Variants in FAT3 observed in about 807,000 individuals in gnomAD.
FAT3 encodes the protein FAT atypical cadherin 3, also known as protocadherin Fat 3.
FAT3 carries 95 observed loss-of-function variants against 310.2 expected under a neutral mutation model. The observed-to-expected ratio is 0.31, with a 90% CI of 0.26 to 0.36. The LOEUF is 0.36. FAT3 is among the 10% of genes least tolerant of loss of function. The pLI, the probability that FAT3 is intolerant of heterozygous loss-of-function variation, is 1.00. For missense variants in FAT3, 5,408 were observed against 5,715.6 expected (o/e 0.95, Z 1.74); for synonymous variants, 2,314 against 2,192.9 (o/e 1.06, Z -1.54).
At chr11:92,289,532 C>CACACACAG (rs1470916724) in intron 1 of FAT3, among the ~76,000 whole-genome samples, 2 of 147,348 alleles carry the variant, frequency 1.4e-5, no homozygotes, top group Non-Finnish European at 1.5e-5. Context: ...CACACACACA[C>CACACACAG]ACACATATAT....
At chr11:92,567,307 A>G (rs1320503142) in intron 3 of FAT3, among the ~76,000 whole-genome samples, 1 of 146,414 alleles carries the variant, frequency 6.8e-6, no homozygotes, top group Admixed American at 6.9e-5. Flanking sequence ...ACTGGCCATC[A>G]GAGAAATGCA....
At chr11:92,638,005 G>T (rs909843151) in intron 3 of FAT3, among the ~76,000 whole-genome samples, 1 of 152,140 alleles carries the variant, frequency 6.6e-6, no homozygotes, top group African/African-American at 2.4e-5. Context: ...CTTGAGGTTT[G>T]GGAGGTCCAT....
chr11:92,786,857 C>T (rs557056748), intron 7 of FAT3, among the ~76,000 whole-genome samples: 2 of 152,222 alleles, frequency 1.3e-5, no homozygotes, highest in African/African-American at 4.8e-5. Context: ...TAAATGAACA[C>T]CAATAGAAAA....
chr11:92,528,952 A>G (rs1237745237), intron 3 of FAT3, among the ~76,000 whole-genome samples: 1 of 152,314 alleles, frequency 6.6e-6, no homozygotes, highest in South Asian at 2.1e-4. Flanking sequence ...GGACCCCACT[A>G]TCTTGAGGAA....
chr11:92,262,850 T>C (rs191115200), intron 1 of FAT3, among the ~76,000 whole-genome samples: 4 of 152,230 alleles, frequency 2.6e-5, no homozygotes, highest in Admixed American at 2.0e-4. Flanking sequence ...CAAATGGCTC[T>C]GAAGGATGCT....
At chr11:92,376,520 T>A (rs566884008) in intron 2 of FAT3, among the ~76,000 whole-genome samples, 1 of 152,160 alleles carries the variant, frequency 6.6e-6, no homozygotes, top group African/African-American at 2.4e-5. Flanking sequence ...CAGCTTAAGA[T>A]AGATGACCTG....
intron 1 of FAT3, among the ~76,000 whole-genome samples, chr11:92,349,220 G>C (rs1368754959): frequency 6.6e-6 from 1 of 152,086 alleles, no homozygotes; most frequent in Non-Finnish European, 1.5e-5. Context: ...GAGCATTCTG[G>C]GAGTGATCCC....
In FAT3 at chr11:92,834,961, C is replaced by T. The variant is rs1270194522; in HGVS notation, c.9963C>T (p.Leu3321=). 4 of 1,613,216 alleles carry T rather than the reference C, an allele frequency of 2.5e-6. No individual in the cohort carries two copies. The highest frequency in any genetic ancestry group is 3.4e-6 in the Non-Finnish European group (4 of 1,179,666). ...VEAKDGGTPA[L]SAVATVNINL... ...CCAAAGATGGGGGCACCCCAGCTCT[C>T]AGCGCTGTGGCCACTGTCAACATCA... Residue 3321 remains leucine (L), a synonymous_variant, in exon 15 of 28, where the codon CTC becomes CTT. Transcript: ENST00000525166.
chr11:92,883,205 A>C lies in FAT3; in HGVS notation c.12749A>C (p.Asp4250Ala). ...CAGAGTGACTCCAGGAGCAACCTGG[A>C]TAAGATCGTGGACGGGCTGGGAGGC... The part of the protein sequence containing the change: ...CFQSDSRSNL[D>A]KIVDGLGGEH... The change falls in exon 24 of 28, where the codon GAT (aspartate) becomes GCT (alanine). Residue 4250 changes from aspartate (D) to alanine (A), a missense_variant. By Grantham distance (126) the Asp-to-Ala change is moderately radical (BLOSUM62 -2). Transcript: ENST00000525166. The surrounding 1 kb of genome is among the most constrained non-coding windows in gnomAD (Gnocchi z 4.2). 6.2e-7 allele frequency: 1 copy of C among 1,613,304 alleles called. No individual in the cohort carries two copies. Among genetic ancestry groups the C allele is most frequent in the Non-Finnish European group, 8.5e-7 (1 of 1,179,828 alleles).
At chr11:92,478,948 C>CTTTCTTTCTTTTCTTTTCTTTTCT (rs1555058204) in intron 2 of FAT3, among the ~76,000 whole-genome samples, 1 of 114,520 alleles carries the variant, frequency 8.7e-6, no homozygotes, top group African/African-American at 3.7e-5. Context: ...TTCTTTCTTT[C>CTTTCTTTCTTTTCTTTTCTTTTCT]TTTCTTTTCT....
chr11:92,684,136 G>A (rs1049669551), intron 3 of FAT3, among the ~76,000 whole-genome samples: 1 of 152,168 alleles, frequency 6.6e-6, no homozygotes, highest in African/African-American at 2.4e-5. Context: ...TTTTCAGAGT[G>A]CGAACAAAGA....
At chr11:92,301,899 C>T (rs890615765) in intron 1 of FAT3, among the ~76,000 whole-genome samples, 4 of 151,970 alleles carry the variant, frequency 2.6e-5, no homozygotes, top group African/African-American at 9.7e-5. Context: ...CTTTGAGGGG[C>T]CCTGAATCAT....
chr11:92,353,886 C>T lies in FAT3; in HGVS notation c.1774C>T (p.Pro592Ser). The T allele has an allele frequency of 6.2e-7, 1 of 1,613,316 alleles. No individual in the cohort carries two copies. The highest frequency in any genetic ancestry group is 8.5e-7 in the Non-Finnish European group (1 of 1,179,508). ...ACQGVISYDFPVGGHITAVSA... is the reference protein window; with the variant it reads ...ACQGVISYDFSVGGHITAVSA... ...CCAGGGAGTTATTTCATATGACTTTCCAGTTGGTGGTCACATCACAGCAGT... is the reference window on the plus strand; with the variant it reads ...CCAGGGAGTTATTTCATATGACTTTTCAGTTGGTGGTCACATCACAGCAGT... The change falls in exon 2 of 28, where the codon CCA (proline) becomes TCA (serine). Residue 592 changes from proline to serine, a missense_variant. Around this residue, in one of 5 missense-constraint regions of FAT3, gnomAD observed 4,588 missense variants for 4,809.8 expected, o/e 0.95. Coordinates refer to ENST00000525166, the MANE Select transcript of FAT3 (RefSeq NM_001367949.2).
At chr11:92,429,246 A>G (rs187208256) in intron 2 of FAT3, among the ~76,000 whole-genome samples, 2 of 152,100 alleles carry the variant, frequency 1.3e-5, no homozygotes, top group Admixed American at 1.3e-4. Flanking sequence ...ATCTTCATCC[A>G]TCCCTTTATT....
Position 92,892,762 on chromosome 11 carries a change from CCT to C in FAT3, c.*1652_*1653del, listed in dbSNP as rs1187867468. The C allele has an allele frequency of 6.6e-6, 1 of 152,162 alleles. No individual in the cohort carries two copies. Among genetic ancestry groups the C allele is most frequent in the African/African-American group, 2.4e-5 (1 of 41,432 alleles). 9.4% of individuals were successfully genotyped at this position (152,162 alleles called of 1,614,324 possible). On this transcript the variant is annotated 3_prime_UTR_variant, in exon 28 of 28. Transcript: ENST00000525166. The stretch of plus-strand genomic sequence containing the variant: ...TTTTGTTATAATTTTCCAGAACTTA[CCT>C]CTGTTTTAAAAGTGTGTAATGTTTG...
chr11:92,416,257 A>G (rs1374310696), intron 2 of FAT3, among the ~76,000 whole-genome samples: 1 of 149,716 alleles, frequency 6.7e-6, no homozygotes, highest in Non-Finnish European at 1.5e-5. Flanking sequence ...GGTGGCACGC[A>G]CCTGTAACCC....
At chr11:92,225,482 G>A (rs1446242806) in intron 1 of FAT3, among the ~76,000 whole-genome samples, 1 of 152,128 alleles carries the variant, frequency 6.6e-6, no homozygotes, top group Non-Finnish European at 1.5e-5. Context: ...GGTTGCGAGG[G>A]GGGTTGCGGA....
At position 92,801,882 on chromosome 11, in the gene FAT3, A is replaced by G. The variant is rs1461083386; in HGVS notation, c.8869A>G (p.Asn2957Asp). 1 of 1,613,892 alleles carries G rather than the reference A, an allele frequency of 6.2e-7. No homozygotes were observed. Among genetic ancestry groups the G allele is most frequent in the South Asian group, 1.1e-5 (1 of 91,080 alleles). The change falls in exon 10 of 28, where the codon AAT becomes GAT. Residue 2957 changes from asparagine to aspartate, a missense_variant. Asn to Asp is a conservative substitution (Grantham distance 23). This residue lies in a region of FAT3 where 4,588 missense variants were observed against 4,809.8 expected (regional missense o/e 0.95). Transcript: ENST00000525166. ...STWDRDTSDV[N>D]RQVSYHITGG... is the part of the protein sequence containing the mutation. ...CTGGGACAGAGACACATCCGACGTT[A>G]ATCGCCAAGTGAGCTACCATATTAC...
At chr11:92,244,862 G>C (rs1439341824) in intron 1 of FAT3, among the ~76,000 whole-genome samples, 2 of 152,114 alleles carry the variant, frequency 1.3e-5, no homozygotes, top group African/African-American at 2.4e-5. Flanking sequence ...AGAGGATGTG[G>C]AGAAATAGGA....
Sources: allele counts gnomAD v4.1 joint callset (sites outside exome capture counted in the v4.1 genomes callset), GRCh38; gene constraint gnomAD v4.1.1; regional missense constraint gnomAD v4.1.1; non-coding constraint Gnocchi (gnomAD v3.1); transcripts MANE v1.5; gene names NCBI Gene and HGNC (gene_info 2026-07-23, HGNC 2026-07-21).